Variants in NAV1 observed in about 807,000 individuals in gnomAD.
The protein encoded by NAV1 is neuron navigator 1.
NAV1 carries 18 observed loss-of-function variants against 175.2 expected under a neutral mutation model. That is an observed-to-expected ratio of 0.10 (90% CI 0.07 to 0.15). The LOEUF is 0.15. Ranked by LOEUF, NAV1 falls within the 10% of genes least tolerant of loss-of-function variation. The pLI is 1.00. For missense variants in NAV1, 1,731 were observed against 2,436.6 expected, an observed-to-expected ratio of 0.71 and a Z score of 6.10; for synonymous variants, 897 against 978.7, an observed-to-expected ratio of 0.92 and a Z score of 1.56.
intron 3 of NAV1, chr1:201,739,908 G>A (rs924110330): frequency 4.2e-5 from 55 of 1,299,036 alleles, no homozygotes; most frequent in Admixed American, 8.2e-5. Context: ...TTAGGTTTCC[G>A]ACCCTCCGCG....
upstream of NAV1, among the ~76,000 whole-genome samples, chr1:201,643,537 A>T (rs1174385320): frequency 6.6e-6 from 1 of 151,392 alleles, no homozygotes; most frequent in Non-Finnish European, 1.5e-5. Flanking sequence ...TTCTCCTCCC[A>T]AGTAGCTGGA....
At chr1:201,640,428 T>A (rs1668718584) in intron 2 of NAV1, among the ~76,000 whole-genome samples, 1 of 151,892 alleles carries the variant, frequency 6.6e-6, no homozygotes, top group African/African-American at 2.4e-5. Context: ...TTTCAGCAAG[T>A]GGGAGTGGGG....
chr1:201,795,341 T>C (rs1677373605), intron 15 of NAV1: 1 of 152,232 alleles, frequency 6.6e-6, no homozygotes, highest in South Asian at 2.1e-4. Flanking sequence ...CCAATACTTA[T>C]TTATTTGTCT....
chr1:201,656,147 G>A (rs573800615), intron 1 of NAV1, among the ~76,000 whole-genome samples: 18 of 152,352 alleles, frequency 1.2e-4, no homozygotes, highest in Middle Eastern at 6.8e-3. Flanking sequence ...GCCAGGGCTC[G>A]GCAGGGTCTG....
chr1:201,771,708 A>G (rs1396170853), intron 3 of NAV1, among the ~76,000 whole-genome samples: 3 of 152,206 alleles, frequency 2.0e-5, no homozygotes, highest in Non-Finnish European at 1.5e-5. Flanking sequence ...AGAAGCAGAA[A>G]AAATAAGACT....
At chr1:201,571,705 T>G (rs1167853466) in intron 1 of NAV1, among the ~76,000 whole-genome samples, 1 of 152,238 alleles carries the variant, frequency 6.6e-6, no homozygotes, top group East Asian at 1.9e-4. Context: ...TATTATGACC[T>G]TTTTTTCTTT....
intron 1 of NAV1, among the ~76,000 whole-genome samples, chr1:201,696,992 C>T (rs969819838): frequency 6.6e-6 from 1 of 152,202 alleles, no homozygotes; most frequent in Non-Finnish European, 1.5e-5. Context: ...TTCTGATGCT[C>T]ACTAAACAAA....
At chr1:201,610,803 A>C (rs185564611) in intron 2 of NAV1, among the ~76,000 whole-genome samples, 2 of 152,262 alleles carry the variant, frequency 1.3e-5, no homozygotes, top group Admixed American at 6.5e-5. Context: ...AAATAACAGG[A>C]AGCTTAACGA....
At chr1:201,634,991 A>C (rs1271643002) in intron 2 of NAV1, among the ~76,000 whole-genome samples, 1 of 151,820 alleles carries the variant, frequency 6.6e-6, no homozygotes, top group African/African-American at 2.4e-5. Flanking sequence ...GCATTGCCCA[A>C]CTCCAGAGGA....
intron 2 of NAV1, among the ~76,000 whole-genome samples, chr1:201,602,792 C>A (rs185541024): frequency 4.1e-4 from 62 of 152,076 alleles, no homozygotes; most frequent in Middle Eastern, 6.8e-3. Flanking sequence ...TGGAAACCAG[C>A]TACCCCTCAG....
At chr1:201,604,758 G>GAA (rs1667628435) in intron 2 of NAV1, among the ~76,000 whole-genome samples, 1 of 149,918 alleles carries the variant, frequency 6.7e-6, no homozygotes, top group African/African-American at 2.5e-5. Context: ...GAGAGAGAGA[G>GAA]AAATAAAGGA....
chr1:201,804,565 C>CAACT (rs1678156471), intron 17 of NAV1, 68 bp downstream of exon 21: 3 of 1,032,092 alleles, frequency 2.9e-6, no homozygotes, highest in Non-Finnish European at 4.1e-6. Context: ...ATTTCCAGAG[C>CAACT]AACTCCCTTC....
chr1:201,793,716 A>T, intron 13 of NAV1, 76 bp from the exon 18 acceptor site: 3 of 1,287,774 alleles, frequency 2.3e-6, no homozygotes, highest in Non-Finnish European at 3.3e-6. Flanking sequence ...ATCAGTTAAA[A>T]CTATTTCCCA....
rs541741161 is a variant in NAV1 at position 201,541,564 on chromosome 1, A to G, written c.-144+2222A>G. Among the ~76,000 whole-genome samples, 5 of 152,356 alleles carry G rather than the reference A, an allele frequency of 3.3e-5. No individual in the cohort carries two copies. The East Asian group carries it at 9.6e-4, about 29-fold the overall frequency. Reference sequence around the variant, plus strand: ...TAAGAGGGGCGGATCACCTGAGGTCAGGAGTTCGAGACCAGCCTGGACAAC... The same window carrying G: ...TAAGAGGGGCGGATCACCTGAGGTCGGGAGTTCGAGACCAGCCTGGACAAC... On this transcript the variant is annotated intron_variant, in intron 1 of 33. Transcript: ENST00000685211.
intron 3 of NAV1, among the ~76,000 whole-genome samples, chr1:201,754,860 G>A (rs1674355766): frequency 6.6e-6 from 1 of 152,132 alleles, no homozygotes; most frequent in African/African-American, 2.4e-5. Flanking sequence ...CATTCAATAT[G>A]TACAATGGAC....
At chr1:201,606,041 G>A (rs559146452) in intron 2 of NAV1, among the ~76,000 whole-genome samples, 1 of 152,312 alleles carries the variant, frequency 6.6e-6, no homozygotes, top group Non-Finnish European at 1.5e-5. Context: ...GTTCACAATG[G>A]GGACCCTGGC....
chr1:201,720,086 T>G (rs1672316269), intron 3 of NAV1, among the ~76,000 whole-genome samples: 1 of 152,236 alleles, frequency 6.6e-6, no homozygotes, highest in African/African-American at 2.4e-5. Context: ...AGCCTGGAGC[T>G]GGGACCAGAG....
At position 201,591,859 on chromosome 1, in the gene NAV1, G is replaced by A. The variant is rs988775439; in HGVS notation, c.-33+3210G>A. Reference sequence around the variant, plus strand: ...ACTCAAACTGAGGAGGACAGCACCCGAAATGACAGAAGAGGGCCACCAAAC... The same window carrying A: ...ACTCAAACTGAGGAGGACAGCACCCAAAATGACAGAAGAGGGCCACCAAAC... On this transcript the variant is annotated intron_variant, in intron 2 of 33. Coordinates refer to the NAV1 transcript ENST00000685211. Among the ~76,000 whole-genome samples the A allele has an allele frequency of 9.9e-5, 15 of 152,242 alleles. No individual in the cohort carries two copies. In the East Asian group the frequency reaches 1.5e-3, roughly 16 times the overall value.
chr1:201,540,068 G>T (rs1251049840), intron 1 of NAV1, among the ~76,000 whole-genome samples: 1 of 152,210 alleles, frequency 6.6e-6, no homozygotes, highest in Non-Finnish European at 1.5e-5. Flanking sequence ...CCCCAGAGCC[G>T]ATAAAAACTG....
Sources: gnomAD v4.1 joint callset for allele counts (sites outside exome capture counted in the v4.1 genomes callset) on GRCh38, gnomAD v4.1.1 for gene constraint, MANE v1.5 for transcripts, NCBI Gene and HGNC (gene_info 2026-07-23, HGNC 2026-07-21) for gene names.